CDH13: variants seen among roughly 807,000 people sequenced by gnomAD.
The protein encoded by CDH13 is cadherin 13.
In CDH13, 24 loss-of-function variants were observed where a neutral mutation model predicts 63.8. The observed-to-expected ratio is 0.38, with a 90% CI of 0.27 to 0.53. The LOEUF is 0.53. CDH13 is among the 20% of genes least tolerant of loss of function. CDH13 has a pLI of 0.85. For synonymous variants in CDH13, 503 were observed against 355.3 expected (o/e 1.42, Z -4.67); for missense variants, 1,049 against 903.1 (o/e 1.16, Z -2.07).
At chr16:82,918,995 T>C (rs2042076681) in intron 2 of CDH13, among the ~76,000 whole-genome samples, 1 of 152,224 alleles carries the variant, frequency 6.6e-6, no homozygotes, top group Non-Finnish European at 1.5e-5. Context: ...TTTAACTTTT[T>C]TCATGTATTT....
chr16:83,494,373 A>G (rs1567710908), intron 7 of CDH13, among the ~76,000 whole-genome samples: 1 of 152,174 alleles, frequency 6.6e-6, no homozygotes, highest in African/African-American at 2.4e-5. Context: ...TCATCAAGAG[A>G]TTTTCCAGTT....
intron 6 of CDH13, among the ~76,000 whole-genome samples, chr16:83,347,073 CA>C (rs1452024963): frequency 2.6e-5 from 4 of 152,128 alleles, no homozygotes; most frequent in African/African-American, 9.7e-5. Flanking sequence ...GACTTTCAAA[CA>C]AAAAGCCACT....
intron 1 of CDH13, among the ~76,000 whole-genome samples, chr16:82,788,391 G>A (rs2036127002): frequency 2.0e-5 from 3 of 152,122 alleles, no homozygotes; most frequent in Non-Finnish European, 2.9e-5. Flanking sequence ...CTGGACGACC[G>A]CCCTGATGTG....
intron 2 of CDH13, among the ~76,000 whole-genome samples, chr16:83,012,545 G>T (rs1487650744): frequency 6.6e-6 from 1 of 152,006 alleles, no homozygotes; most frequent in Non-Finnish European, 1.5e-5. Flanking sequence ...GGAAAATAAT[G>T]ACAGACTCTC....
Position 82,706,402 on chromosome 16 carries a change from G to A in CDH13, c.45+79265G>A, listed in dbSNP as rs147922022. 2.5e-3 allele frequency among the ~76,000 whole-genome samples: 381 copies of A among 152,286 alleles called. 1 individual carries two copies. The highest frequency in any genetic ancestry group is 4.3e-3 in the Non-Finnish European group (294 of 68,024). ...AGAATTATCTGCATATAAGGATAAG[G>A]GATGAGACAGACTCAGCAGCCGTTT... On this transcript the variant is annotated intron_variant, in intron 1 of 13. Transcript: ENST00000567109.
intron 4 of CDH13, among the ~76,000 whole-genome samples, chr16:83,175,559 A>T (rs149577030): frequency 4.8e-4 from 73 of 152,238 alleles, no homozygotes; most frequent in African/African-American, 1.7e-3. Context: ...TTGGGTGACC[A>T]CAGAGGGACT....
intron 7 of CDH13, among the ~76,000 whole-genome samples, chr16:83,562,047 G>T (rs576211317): frequency 2.0e-5 from 3 of 152,286 alleles, no homozygotes; most frequent in African/African-American, 7.2e-5. Context: ...ATGTGGTCAG[G>T]ACCTTGGAGA....
intron 4 of CDH13, among the ~76,000 whole-genome samples, chr16:83,160,588 C>T (rs1234453838): frequency 6.6e-6 from 1 of 152,136 alleles, no homozygotes; most frequent in African/African-American, 2.4e-5. Context: ...TGTGGCCTTC[C>T]AAAAGGCCAG....
In CDH13 at chr16:83,656,345, C is replaced by T. The variant is rs146367414; in HGVS notation, c.1102-14445C>T. Among the ~76,000 whole-genome samples the T allele has an allele frequency of 4.1e-4, 63 of 152,166 alleles. 1 individual carries two copies. In the East Asian group the frequency reaches 8.9e-3, roughly 21 times the overall value. ...AAGATGAGATTTGTTTTGGTGGAGT[C>T]GGGAGGTGGAAAGGCCTCTGTTTCG... On this transcript the variant is annotated intron_variant, in intron 8 of 13. Coordinates refer to ENST00000567109, the MANE Select transcript of CDH13 (RefSeq NM_001257.5).
At chr16:83,031,585 C>T (rs1024711409) in intron 2 of CDH13, among the ~76,000 whole-genome samples, 2 of 151,984 alleles carry the variant, frequency 1.3e-5, no homozygotes, top group African/African-American at 2.4e-5. Context: ...TAAGGGCCTT[C>T]TCATCTCCTA....
chr16:83,089,911 C>G (rs76732072), intron 3 of CDH13, among the ~76,000 whole-genome samples: 1 of 152,176 alleles, frequency 6.6e-6, no homozygotes, highest in South Asian at 2.1e-4. Context: ...GCATTTATAA[C>G]GACATCCTAA....
chr16:83,646,712 A>AAAAAT (rs1168012793), intron 8 of CDH13, among the ~76,000 whole-genome samples: 1 of 80,490 alleles, frequency 1.2e-5, no homozygotes, highest in Non-Finnish European at 2.4e-5. Context: ...AAAAAAAAAA[A>AAAAAT]ACACACACAC....
intron 3 of CDH13, among the ~76,000 whole-genome samples, chr16:83,107,675 C>A (rs749668040): frequency 6.6e-6 from 1 of 151,182 alleles, no homozygotes; most frequent in African/African-American, 2.4e-5. Context: ...CAGCTGAATT[C>A]TCTTTCTCTC....
intron 6 of CDH13, among the ~76,000 whole-genome samples, chr16:83,460,447 C>G (rs2073146209): frequency 6.6e-6 from 1 of 152,162 alleles, no homozygotes; most frequent in Non-Finnish European, 1.5e-5. Context: ...GCATTTCTAG[C>G]AATAGCAAAA....
At chr16:82,896,275 G>GGTTTTTTTT (rs2041252984) in intron 2 of CDH13, among the ~76,000 whole-genome samples, 1 of 73,276 alleles carries the variant, frequency 1.4e-5, no homozygotes, top group Non-Finnish European at 2.6e-5. Flanking sequence ...CTAGGATTAG[G>GGTTTTTTTT]ATTTTTTTTT....
chr16:83,233,246 A>G (rs12928471), intron 5 of CDH13, among the ~76,000 whole-genome samples: 6,040 of 152,234 alleles, frequency 0.04, 123 homozygotes, highest in South Asian at 0.062. Flanking sequence ...CTACCCTAGG[A>G]GTCTGTTTTG....
At chr16:83,702,443 G>T (rs1474156073) in intron 10 of CDH13, among the ~76,000 whole-genome samples, 4 of 152,116 alleles carry the variant, frequency 2.6e-5, no homozygotes, top group African/African-American at 9.7e-5. Flanking sequence ...TCAAGGTGTA[G>T]CCTCCAGGGT....
At chr16:83,430,214 C>A (rs1046052375) in intron 6 of CDH13, among the ~76,000 whole-genome samples, 3 of 152,172 alleles carry the variant, frequency 2.0e-5, no homozygotes, top group African/African-American at 7.2e-5. Flanking sequence ...GATGTGGAAC[C>A]AGCCTAAGTG....
At chr16:82,658,137 C>CT (rs1177452443) in intron 1 of CDH13, among the ~76,000 whole-genome samples, 1 of 152,152 alleles carries the variant, frequency 6.6e-6, no homozygotes, top group Non-Finnish European at 1.5e-5. Context: ...TTGCCAAGTG[C>CT]TTTTTCTGCA....
Sources: gnomAD v4.1 joint callset for allele counts (sites outside exome capture counted in the v4.1 genomes callset) on GRCh38, gnomAD v4.1.1 for gene constraint, MANE v1.5 for transcripts, NCBI Gene and HGNC (gene_info 2026-07-23, HGNC 2026-07-21) for gene names.